Variants in ATP2C1 observed in about 807,000 individuals in gnomAD.
ATP2C1 encodes the protein ATPase secretory pathway Ca2+ transporting 1.
A neutral mutation model predicts 120.5 loss-of-function variants in ATP2C1; 31 were observed. That is an observed-to-expected ratio of 0.26 (90% CI 0.19 to 0.35). ATP2C1 has a LOEUF of 0.35. Ranked by LOEUF, ATP2C1 falls within the 10% of genes least tolerant of loss-of-function variation. The pLI is 1.00. For missense variants in ATP2C1, 731 were observed against 1,107.5 expected, an observed-to-expected ratio of 0.66 and a Z score of 4.83; for synonymous variants, 351 against 358.7, an observed-to-expected ratio of 0.98 and a Z score of 0.24.
At chr3:130,926,249 A>C (rs1477426084) in intron 2 of ATP2C1, among the ~76,000 whole-genome samples, 1 of 152,174 alleles carries the variant, frequency 6.6e-6, no homozygotes. Flanking sequence ...GGGAGATACA[A>C]GCTAGTCCTG....
At chr3:130,917,214 C>G (rs2058727615) in intron 2 of ATP2C1, among the ~76,000 whole-genome samples, 1 of 152,154 alleles carries the variant, frequency 6.6e-6, no homozygotes, top group Non-Finnish European at 1.5e-5. Context: ...CTATGCTAAG[C>G]TATGATGTTC....
chr3:130,962,108 T>C (rs139350849), intron 12 of ATP2C1, among the ~76,000 whole-genome samples: 5 of 152,210 alleles, frequency 3.3e-5, no homozygotes, highest in African/African-American at 1.2e-4. Context: ...TTCATTCATC[T>C]TTTATGATGC....
At chr3:131,004,249 C>T (rs1446686402), downstream of ATP2C1, among the ~76,000 whole-genome samples, 1 of 152,224 alleles carries the variant, frequency 6.6e-6, no homozygotes, top group Non-Finnish European at 1.5e-5. Context: ...TAAGACTGAG[C>T]TCCTGCAATC....
At chr3:130,944,223 G>C (rs768892435) in intron 8 of ATP2C1, among the ~76,000 whole-genome samples, 2 of 152,202 alleles carry the variant, frequency 1.3e-5, no homozygotes, top group Non-Finnish European at 2.9e-5. Flanking sequence ...AGTGCTTTCA[G>C]AGTTTGACTG....
rs574410829 is a variant in ATP2C1 at position 130,917,072 on chromosome 3, T to C, written c.7-13344T>C. Among the ~76,000 whole-genome samples the C allele has an allele frequency of 1.9e-4, 29 of 152,344 alleles. 1 individual carries two copies. The South Asian group carries it at 5.8e-3, about 30-fold the overall frequency. On this transcript the variant is annotated intron_variant, in intron 2 of 27. Coordinates refer to ENST00000510168, the MANE Select transcript of ATP2C1 (RefSeq NM_001378687.1). ...ACATTCAGTAGAAACTGTACTTCTG[T>C]TCTTCACTTTCAGTACAGTATTATT...
At chr3:130,903,051 A>G (rs1490133867) in intron 2 of ATP2C1, among the ~76,000 whole-genome samples, 1 of 152,032 alleles carries the variant, frequency 6.6e-6, no homozygotes, top group Non-Finnish European at 1.5e-5. Context: ...TACTCTTACT[A>G]TACATTATTT....
intron 6 of ATP2C1, 151 bp downstream of exon 6, chr3:130,937,614 C>CG (rs2059728976): frequency 1.4e-6 from 1 of 716,552 alleles, no homozygotes; most frequent in Non-Finnish European, 2.5e-6. Flanking sequence ...ATACAGACAA[C>CG]TCTTCAGGGA....
At chr3:130,898,536 A>G (rs1576628058) in intron 2 of ATP2C1, among the ~76,000 whole-genome samples, 1 of 152,212 alleles carries the variant, frequency 6.6e-6, no homozygotes, top group Non-Finnish European at 1.5e-5. Flanking sequence ...AGTCTTAATT[A>G]GTACTCTGAA....
rs753563135 is a variant in ATP2C1 at position 130,953,895 on chromosome 3, G to A, written c.606G>A (p.Gln202=). The A allele has an allele frequency of 6.2e-7, 1 of 1,614,036 alleles. No homozygotes were observed. The highest frequency in any genetic ancestry group is 1.1e-5 in the South Asian group (1 of 91,086). ...TTPCSKVTAP[Q]PAATNGDLAS... ...CTTGTTCTAAGGTGACAGCTCCTCAGCCAGCTGCAACTAATGGAGATCTTG... is the reference window on the plus strand; with the variant it reads ...CTTGTTCTAAGGTGACAGCTCCTCAACCAGCTGCAACTAATGGAGATCTTG... Residue 202 remains glutamine (Q), a synonymous_variant, in exon 9 of 28, where the codon CAG becomes CAA. Coordinates refer to ENST00000510168, the MANE Select transcript of ATP2C1 (RefSeq NM_001378687.1).
At chr3:130,959,193 GT>G in intron 11 of ATP2C1, 81 bp from the exon 12 acceptor site, 1 of 1,050,034 alleles carries the variant, frequency 9.5e-7, no homozygotes. Context: ...GTCAAGGGAC[GT>G]TTTAGATTCC....
intron 1 of ATP2C1, among the ~76,000 whole-genome samples, chr3:130,872,577 C>A (rs1032045075): frequency 7.3e-5 from 11 of 151,104 alleles, no homozygotes; most frequent in African/African-American, 2.4e-4. Flanking sequence ...TTGAGGAGTA[C>A]TTTTCTTTTC....
chr3:130,891,623 T>C (rs1458810331), upstream of ATP2C1, among the ~76,000 whole-genome samples: 8 of 152,334 alleles, frequency 5.3e-5, no homozygotes, highest in African/African-American at 1.7e-4. Context: ...TCAATCCCAT[T>C]GTAGCTAGCT....
upstream of ATP2C1, chr3:130,893,941 G>T (rs886610955): frequency 1.2e-5 from 12 of 985,606 alleles, no homozygotes; most frequent in African/African-American, 1.6e-4. Context: ...TTCCCAGCCC[G>T]TGAACACGAA....
At chr3:130,877,523 C>A (rs1257231707) in intron 1 of ATP2C1, among the ~76,000 whole-genome samples, 7 of 152,132 alleles carry the variant, frequency 4.6e-5, no homozygotes, top group Admixed American at 3.3e-4. Context: ...ATGCAGCCGA[C>A]AGACCCATGA....
At chr3:130,940,062 A>C (rs1232266822) in intron 6 of ATP2C1, among the ~76,000 whole-genome samples, 1 of 152,208 alleles carries the variant, frequency 6.6e-6, no homozygotes, top group African/African-American at 2.4e-5. Flanking sequence ...GAAGGCTAGA[A>C]ATCACATTGT....
At chr3:130,905,337 A>G (rs1270250186) in intron 2 of ATP2C1, among the ~76,000 whole-genome samples, 1 of 152,044 alleles carries the variant, frequency 6.6e-6, no homozygotes, top group Admixed American at 6.6e-5. Flanking sequence ...TTCTTCCACC[A>G]TAGGGTCCAT....
chr3:130,949,228 A>G lies in ATP2C1; in HGVS notation c.532-4593A>G, dbSNP rs1050423083. 4.6e-5 allele frequency among the ~76,000 whole-genome samples: 7 copies of G among 152,324 alleles called. No individual in the cohort carries two copies. In the East Asian group the frequency reaches 1.3e-3, roughly 29 times the overall value. Reference sequence around the variant, plus strand: ...TTAGCCAAGTTGTGAATGCAAAGAAAAAATTCTTGAAATTAAAAGTGCTAT... The same window carrying G: ...TTAGCCAAGTTGTGAATGCAAAGAAGAAATTCTTGAAATTAAAAGTGCTAT... On this transcript the variant is annotated intron_variant, in intron 8 of 27. Coordinates refer to ENST00000510168, the MANE Select transcript of ATP2C1 (RefSeq NM_001378687.1).
downstream of ATP2C1, among the ~76,000 whole-genome samples, chr3:131,004,155 T>C (rs778960367): frequency 1.3e-5 from 2 of 152,220 alleles, no homozygotes; most frequent in Admixed American, 6.5e-5. Flanking sequence ...ACTTTAAAAA[T>C]ACACATAGAT....
intron 22 of ATP2C1, 97 bp from the exon 23 acceptor site, chr3:130,995,946 G>A (rs1487207370): frequency 2.2e-6 from 2 of 902,338 alleles, no homozygotes; most frequent in Admixed American, 3.5e-5. Flanking sequence ...TGCCCGGTTG[G>A]AAATTTATTT....
Sources: gnomAD v4.1 joint callset for allele counts (sites outside exome capture counted in the v4.1 genomes callset) on GRCh38, gnomAD v4.1.1 for gene constraint, MANE v1.5 for transcripts, NCBI Gene and HGNC (gene_info 2026-07-23, HGNC 2026-07-21) for gene names.